The following CYP2W1 variants were observed in gnomAD, a reference collection of about 807,000 sequenced individuals.
CYP2W1 encodes cytochrome P450 family 2 subfamily W member 1, also known as cytochrome P450 2W1.
In CYP2W1, 51 loss-of-function variants were observed where a neutral mutation model predicts 44.9. That is an observed-to-expected ratio of 1.14 (90% CI 0.91 to 1.43). The LOEUF (loss-of-function observed/expected upper bound fraction) is 1.43. CYP2W1 is among the 40% of genes most tolerant of loss of function. The probability of loss-of-function intolerance (pLI) is 0.00; values close to 1 mark genes in which losing one functional copy is unlikely to be tolerated. For synonymous variants in CYP2W1, 383 were observed against 338.3 expected, an observed-to-expected ratio of 1.13 and a Z score of -1.45; for missense variants, 746 against 700.0, an observed-to-expected ratio of 1.07 and a Z score of -0.74.
At chr7:985,143 C>A in intron 3 of CYP2W1, 23 bp from the exon 4 acceptor site, 2 of 1,599,966 alleles carry the variant, frequency 1.3e-6, no homozygotes, top group Non-Finnish European at 1.7e-6. Flanking sequence ...CCTGGACGTG[C>A]CTGAGGCCCG....
rs752143691 is a variant in CYP2W1 at position 987,464 on chromosome 7, C to G, written c.1076C>G (p.Thr359Arg). Reference sequence around the variant, plus strand: ...CTCCACGAGGTGCAGCGGTTCATCACGCTCCTGCCGCACGTGCCCCGCTGC... The same window carrying G: ...CTCCACGAGGTGCAGCGGTTCATCAGGCTCCTGCCGCACGTGCCCCGCTGC... ...AVLHEVQRFI[T>R]LLPHVPRCTA... Residue 359 changes from threonine (T) to arginine (R), a missense_variant, in exon 7 of 9, where the codon ACG becomes AGG. Transcript: ENST00000308919. The G allele has an allele frequency of 1.7e-5, 27 of 1,564,490 alleles. No individual in the cohort carries two copies. Among genetic ancestry groups the G allele is most frequent in the East Asian group, 4.7e-5 (2 of 42,514 alleles).
chr7:984,683 G>C, intron 2 of CYP2W1, 109 bp downstream of exon 2: 1 of 1,417,238 alleles, frequency 7.1e-7, no homozygotes, highest in African/African-American at 1.4e-5. Context: ...GCCTGGGGAA[G>C]AGCAGGCAGG....
intron 5 of CYP2W1, 68 bp from the exon 6 acceptor site, chr7:987,039 G>A: frequency 7.0e-7 from 1 of 1,431,968 alleles, no homozygotes; most frequent in Non-Finnish European, 9.1e-7. Context: ...GCCCAGGGCT[G>A]GGCTGGGTCT....
chr7:986,700 G>T lies in CYP2W1; in HGVS notation c.722G>T (p.Arg241Leu). 1 of 1,612,454 alleles carries T rather than the reference G, an allele frequency of 6.2e-7. No individual in the cohort carries two copies. The highest frequency in any genetic ancestry group is 8.5e-7 in the Non-Finnish European group (1 of 1,179,774). Residue 241 changes from arginine to leucine, a missense_variant, in exon 5 of 9, where the codon CGT (arginine) becomes CTT (leucine). Arg to Leu is a moderately radical substitution (Grantham distance 102). Transcript: ENST00000308919. ...GTCCTGCGCAAGATCGAGGAGGTCC[G>T]TGCCATTCTGAGGACCCTCCTGGAG... The part of the protein sequence containing the change: ...RPVLRKIEEV[R>L]AILRTLLEAR...
rs765763423 is a variant in CYP2W1 at position 988,327 on chromosome 7, G to C, written c.1194G>C (p.Gln398His). 6.2e-7 allele frequency: 1 copy of C among 1,611,952 alleles called. No individual in the cohort carries two copies. Among genetic ancestry groups the C allele is most frequent in the South Asian group, 1.1e-5 (1 of 91,056 alleles). ...LLTSVLLDET[Q>H]WQTPGQFNPG... is the part of the protein sequence containing the mutation. ...CCTCGGTGCTCCTGGATGAGACACA[G>C]TGGCAGACCCCAGGCCAGTTCAACC... The change falls in exon 8 of 9, where the codon CAG becomes CAC. Residue 398 changes from glutamine to histidine, a missense_variant. Transcript: ENST00000308919.
intron 5 of CYP2W1, 117 bp downstream of exon 5, chr7:986,914 C>CT (rs1345889380): frequency 3.2e-5 from 42 of 1,326,442 alleles, no homozygotes; most frequent in African/African-American, 6.0e-5. Context: ...TACCTCCTGG[C>CT]TGGGGGCCTC....
Position 985,273 on chromosome 7 carries a change from C to T in CYP2W1, c.595C>T (p.Leu199=), listed in dbSNP as rs1297436921. 6.4e-7 allele frequency: 1 copy of T among 1,551,872 alleles called. No homozygotes were observed. Among genetic ancestry groups the T allele is most frequent in the Admixed American group, 2.0e-5 (1 of 51,084 alleles). The change falls in exon 4 of 9, where the codon CTG becomes TTG. Residue 199 remains leucine (L), a synonymous_variant. Coordinates refer to ENST00000308919, the MANE Select transcript of CYP2W1 (RefSeq NM_017781.3). ...DYRDPVFVSL[L]GLIDEVMVLL... Reference sequence around the variant, plus strand: ...CCGGGACCCCGTGTTTGTGTCCCTGCTGGGTCTCATCGATGAGGTCATGGT... The same window carrying T: ...CCGGGACCCCGTGTTTGTGTCCCTGTTGGGTCTCATCGATGAGGTCATGGT...
rs1016220359 is a variant in CYP2W1 at position 988,978 on chromosome 7, G to A, written c.*156G>A. 3.6e-5 allele frequency: 21 copies of A among 580,444 alleles called. No individual in the cohort carries two copies. Among genetic ancestry groups the A allele is most frequent in the African/African-American group, 1.2e-4 (6 of 51,510 alleles). The allele number at this position is 580,444 out of a possible 1,614,324, so 36.0% of individuals were successfully genotyped here. On this transcript the variant is annotated 3_prime_UTR_variant, in exon 9 of 9. Transcript: ENST00000308919. ...CCCCACAGGGTCAGCAACTGCTTCC[G>A]GTTACACCCAGGACTACCCCTGCCC... is the stretch of plus-strand genomic sequence containing the variant.
Position 988,001 on chromosome 7 carries a change from TG to T in CYP2W1, c.1144-270del, listed in dbSNP as rs148271054. Among the ~76,000 whole-genome samples, 247 of 54,826 alleles carry T rather than the reference TG, an allele frequency of 4.5e-3. 1 individual carries two copies. Among genetic ancestry groups the T allele is most frequent in the South Asian group, 8.5e-3 (18 of 2,106 alleles). 36.0% of individuals were successfully genotyped at this position (54,826 alleles called of 152,430 possible). A position where few individuals can be genotyped will look rare whatever the true frequency, so the allele number is the denominator to read the frequency against. The stretch of plus-strand genomic sequence containing the variant: ...CTGGGGGGGTCCCCTCTGTGTGTCC[TG>T]GGGGGTCCCCTCTGTGTGTCCTGGG... On this transcript the variant is annotated intron_variant, in intron 7 of 8. Transcript: ENST00000308919.
chr7:988,412 T>C lies in CYP2W1; in HGVS notation c.1279T>C (p.Ser427Pro). ...GAAGCGGGAGGCCTTCCTGCCTTTC[T>C]CTGCAGGTCAGCAGCCCTCGGGGCC... ...FVKREAFLPF[S>P]AGRRVCVGER... The change falls in exon 8 of 9, where the codon TCT becomes CCT. Residue 427 changes from serine to proline, a missense_variant. Physicochemically the swap from Ser to Pro is moderately conservative, Grantham distance 74. Transcript: ENST00000308919. The C allele has an allele frequency of 6.2e-7, 1 of 1,612,558 alleles. No individual in the cohort carries two copies. The highest frequency in any genetic ancestry group is 8.5e-7 in the Non-Finnish European group (1 of 1,179,832).
Position 986,715 on chromosome 7 carries a change from C to A in CYP2W1, c.737C>A (p.Thr246Asn), listed in dbSNP as rs1374453901. The change falls in exon 5 of 9, where the codon ACC becomes AAC. Residue 246 changes from threonine to asparagine, a missense_variant. Transcript: ENST00000308919. ...GAGGAGGTCCGTGCCATTCTGAGGA[C>A]CCTCCTGGAGGCGCGGAGGCCCCAC... ...KIEEVRAILR[T>N]LLEARRPHVC... The A allele has an allele frequency of 7.4e-6, 12 of 1,612,026 alleles. No homozygotes were observed. Among genetic ancestry groups the A allele is most frequent in the East Asian group, 2.2e-5 (1 of 44,872 alleles).
intron 1 of CYP2W1, 139 bp from the exon 2 acceptor site, chr7:984,273 G>C: frequency 8.6e-7 from 1 of 1,156,302 alleles, no homozygotes; most frequent in South Asian, 1.6e-5. Context: ...CTGGCTTTAT[G>C]GCATCTAGGC....
chr7:986,165 G>A (rs1848327621), intron 4 of CYP2W1, among the ~76,000 whole-genome samples: 1 of 152,200 alleles, frequency 6.6e-6, no homozygotes, highest in African/African-American at 2.4e-5. Context: ...GACGCCCCAG[G>A]AAGGCGAGTG....
At chr7:983,560 G>T (rs747578003) in intron 1 of CYP2W1, among the ~76,000 whole-genome samples, 175 bp downstream of exon 1, 1 of 152,156 alleles carries the variant, frequency 6.6e-6, no homozygotes, top group Non-Finnish European at 1.5e-5. Context: ...AAGCCACCCC[G>T]TCCCACAGGG....
At position 988,956 on chromosome 7, in the gene CYP2W1, C is replaced by T. The variant is rs1055912013; in HGVS notation, c.*134C>T. 247 of 620,834 alleles carry T rather than the reference C, an allele frequency of 4.0e-4. 2 individuals are homozygous for T. The highest frequency in any genetic ancestry group is 1.5e-3 in the Admixed American group (51 of 33,732). 38.5% of individuals were successfully genotyped at this position (620,834 alleles called of 1,614,324 possible). On this transcript the variant is annotated 3_prime_UTR_variant, in exon 9 of 9. Transcript: ENST00000308919. ...GGACTCCCACCCTCACCCCCACCCC[C>T]ACAGGGTCAGCAACTGCTTCCGGTT...
intron 2 of CYP2W1, 32 bp from the exon 3 acceptor site, chr7:984,918 C>G: frequency 6.4e-7 from 1 of 1,554,378 alleles, no homozygotes; most frequent in East Asian, 2.3e-5. Context: ...GGGTGGGAAC[C>G]TGGGCTCACC....
Position 987,372 on chromosome 7 carries a change from C to T in CYP2W1, c.984C>T (p.Arg328=), listed in dbSNP as rs762212624. The T allele has an allele frequency of 2.6e-5, 41 of 1,591,914 alleles. No individual in the cohort carries two copies. The East Asian group carries it at 5.4e-4, about 21-fold the overall frequency. ...GCCGGGTGCAGGAGGAGCTAGACCG[C>T]GTGCTGGGCCCTGGGCGGACTCCCC... ...VQGRVQEELD[R]VLGPGRTPRL... The change falls in exon 7 of 9, where the codon CGC becomes CGT. Residue 328 remains arginine, a synonymous_variant. Coordinates refer to ENST00000308919, the MANE Select transcript of CYP2W1 (RefSeq NM_017781.3).
In CYP2W1 at chr7:987,187, G is replaced by T; in HGVS notation, c.900G>T (p.Thr300=). ...TLDMVMAGTE[T]TSATLQWAAL... ...ACATGGTCATGGCCGGGACGGAGAC[G>T]ACCTCGGCCACGCTGCAGTGGGCCG... The change falls in exon 6 of 9, where the codon ACG becomes ACT. Residue 300 remains threonine (T), a synonymous_variant. Coordinates refer to ENST00000308919, the MANE Select transcript of CYP2W1 (RefSeq NM_017781.3). The T allele has an allele frequency of 6.4e-7, 1 of 1,557,180 alleles. No homozygotes were observed. The highest frequency in any genetic ancestry group is 8.7e-7 in the Non-Finnish European group (1 of 1,151,396).
Position 984,548 on chromosome 7 carries a change from T to C in CYP2W1, c.311T>C (p.Ile104Thr). ...QELADRPPIA[I>T]FQLIQRGGGI... is the part of the protein sequence containing the mutation. Reference sequence around the variant, plus strand: ...CTGGCCGACCGGCCTCCCATCGCCATCTTCCAGCTCATCCAGCGAGGTGGA... The same window carrying C: ...CTGGCCGACCGGCCTCCCATCGCCACCTTCCAGCTCATCCAGCGAGGTGGA... The change falls in exon 2 of 9, where the codon ATC becomes ACC. Residue 104 changes from isoleucine to threonine, a missense_variant. Coordinates refer to ENST00000308919, the MANE Select transcript of CYP2W1 (RefSeq NM_017781.3). 6.4e-7 allele frequency: 1 copy of C among 1,560,384 alleles called. No homozygotes were observed. The highest frequency in any genetic ancestry group is 8.7e-7 in the Non-Finnish European group (1 of 1,154,578).
Sources: gnomAD v4.1 joint callset for allele counts (sites outside exome capture counted in the v4.1 genomes callset) on GRCh38, gnomAD v4.1.1 for gene constraint, MANE v1.5 for transcripts, NCBI Gene and HGNC (gene_info 2026-07-23, HGNC 2026-07-21) for gene names.